The following MLLT3 variants were observed in gnomAD, a reference collection of about 807,000 sequenced individuals.
The protein encoded by MLLT3 is MLLT3 super elongation complex subunit.
A neutral mutation model predicts 53.2 loss-of-function variants in MLLT3; 4 were observed. The ratio of observed to expected loss-of-function variants is 0.08; its 90% CI spans 0.04 to 0.17. The LOEUF is 0.17. MLLT3 is among the 10% of genes least tolerant of loss of function. MLLT3 has a pLI of 1.00. For synonymous variants in MLLT3, 283 were observed against 230.6 expected (o/e 1.23, Z -2.06); for missense variants, 569 against 684.0 (o/e 0.83, Z 1.87).
In MLLT3 at chr9:20,549,453, T is replaced by C. The variant is rs184908158; in HGVS notation, c.193+71201A>G. The stretch of plus-strand genomic sequence containing the variant: ...TAGTAATAATAATAGCTAACACATA[T>C]ATGCCATTTACTCCGTGCCAGGAAC... On this transcript the variant is annotated intron_variant, in intron 2 of 10. Coordinates refer to ENST00000380338, the MANE Select transcript of MLLT3 (RefSeq NM_004529.4). Among the ~76,000 whole-genome samples the C allele has an allele frequency of 1.5e-3, 209 of 137,954 alleles. 2 individuals are homozygous for C. The highest frequency in any genetic ancestry group is 5.0e-3 in the African/African-American group (196 of 39,198). 90.5% of individuals were successfully genotyped at this position (137,954 alleles called of 152,430 possible).
intron 5 of MLLT3, among the ~76,000 whole-genome samples, chr9:20,384,630 A>G (rs191198731): frequency 2.0e-5 from 3 of 152,228 alleles, no homozygotes; most frequent in Admixed American, 6.5e-5. Flanking sequence ...GGATAATTAT[A>G]TTAGTATCAA....
At chr9:20,363,657 T>A in intron 6 of MLLT3, 52 bp from the exon 7 acceptor site, 1 of 1,578,268 alleles carries the variant, frequency 6.3e-7, no homozygotes, top group Non-Finnish European at 8.6e-7. Context: ...CAAACACACT[T>A]AGCCATATTA....
intron 8 of MLLT3, among the ~76,000 whole-genome samples, chr9:20,355,095 T>TA (rs531598773): frequency 0.026 from 1,646 of 64,112 alleles, 14 homozygotes; most frequent in East Asian, 0.075. Flanking sequence ...AAAGTAGAAC[T>TA]AAAAAAAAAA....
chr9:20,432,176 AAC>A (rs1332909437), intron 4 of MLLT3, among the ~76,000 whole-genome samples: 4 of 152,224 alleles, frequency 2.6e-5, no homozygotes, highest in African/African-American at 9.6e-5. Flanking sequence ...GCAAAACACA[AAC>A]ACAGTGTCTC....
chr9:20,584,759 T>C (rs1412672468), intron 2 of MLLT3, among the ~76,000 whole-genome samples: 2 of 152,206 alleles, frequency 1.3e-5, no homozygotes, highest in African/African-American at 4.8e-5. Flanking sequence ...CTCTGGGAGA[T>C]ACAATTCAAG....
At chr9:20,608,398 A>T (rs965342317) in intron 2 of MLLT3, among the ~76,000 whole-genome samples, 1 of 151,962 alleles carries the variant, frequency 6.6e-6, no homozygotes, top group Admixed American at 6.6e-5. Flanking sequence ...TTTTCAAAAC[A>T]TTCCTAAGTA....
intron 5 of MLLT3, among the ~76,000 whole-genome samples, chr9:20,369,003 G>A (rs997912562): frequency 1.3e-5 from 2 of 152,134 alleles, no homozygotes; most frequent in South Asian, 4.1e-4. Flanking sequence ...AGAATGACAG[G>A]AGGACTTGTT....
At chr9:20,527,427 T>C (rs939345690) in intron 2 of MLLT3, among the ~76,000 whole-genome samples, 3 of 152,190 alleles carry the variant, frequency 2.0e-5, no homozygotes, top group Admixed American at 1.3e-4. Context: ...CAGATGACAG[T>C]AGTCTATGGA....
chr9:20,605,746 G>T (rs796683732), intron 2 of MLLT3, among the ~76,000 whole-genome samples: 13 of 152,048 alleles, frequency 8.5e-5, no homozygotes, highest in African/African-American at 3.1e-4. Flanking sequence ...TATGCCATAG[G>T]TAAGAGATAC....
intron 5 of MLLT3, among the ~76,000 whole-genome samples, chr9:20,377,292 A>C (rs1014015468): frequency 1.3e-5 from 2 of 152,234 alleles, no homozygotes; most frequent in African/African-American, 2.4e-5. Context: ...TGTGCAGAGC[A>C]TAAGAAATTT....
intron 2 of MLLT3, among the ~76,000 whole-genome samples, chr9:20,579,646 A>G (rs142676508): frequency 4.0e-4 from 61 of 152,344 alleles, no homozygotes; most frequent in Admixed American, 7.8e-4. Flanking sequence ...TTAATTTCCT[A>G]TGAGAAAGTA....
intron 2 of MLLT3, among the ~76,000 whole-genome samples, chr9:20,492,302 T>C (rs2118924120): frequency 6.6e-6 from 1 of 152,146 alleles, no homozygotes; most frequent in East Asian, 1.9e-4. Context: ...AAGATCCTTT[T>C]TAACCTGTAA....
chr9:20,510,092 G>A (rs183482485), intron 2 of MLLT3, among the ~76,000 whole-genome samples: 1 of 152,094 alleles, frequency 6.6e-6, no homozygotes, highest in Admixed American at 6.6e-5. Flanking sequence ...AAATATTTCT[G>A]CTTGGCGAAA....
chr9:20,566,028 T>A (rs10811365), intron 2 of MLLT3, among the ~76,000 whole-genome samples: 1 of 127,452 alleles, frequency 7.8e-6, no homozygotes, highest in East Asian at 2.0e-4. Flanking sequence ...ATATATTTAT[T>A]TATATTTATT....
chr9:20,604,330 C>T (rs897887770), intron 2 of MLLT3, among the ~76,000 whole-genome samples: 6 of 152,104 alleles, frequency 3.9e-5, no homozygotes, highest in African/African-American at 9.6e-5. Flanking sequence ...CTAAAAATGA[C>T]ATTTAAATAT....
chr9:20,391,046 A>G (rs1416787224), intron 5 of MLLT3, among the ~76,000 whole-genome samples: 1 of 152,238 alleles, frequency 6.6e-6, no homozygotes, highest in Non-Finnish European at 1.5e-5. Flanking sequence ...TTAATTTTAT[A>G]TATTTCTACA....
chr9:20,427,157 T>C (rs1453352271), intron 4 of MLLT3, among the ~76,000 whole-genome samples: 1 of 151,992 alleles, frequency 6.6e-6, no homozygotes, highest in African/African-American at 2.4e-5. Context: ...CTTAAAGACT[T>C]ACTATAGGGA....
intron 2 of MLLT3, among the ~76,000 whole-genome samples, chr9:20,522,627 G>A (rs1818092138): frequency 6.6e-6 from 1 of 152,182 alleles, no homozygotes; most frequent in South Asian, 2.1e-4. Flanking sequence ...AATCTGTAGT[G>A]TAGTGTAAGA....
At chr9:20,549,613 C>A (rs1818877127) in intron 2 of MLLT3, among the ~76,000 whole-genome samples, 1 of 152,188 alleles carries the variant, frequency 6.6e-6, no homozygotes, top group Non-Finnish European at 1.5e-5. Context: ...ACACAGGCGA[C>A]TGGCGGAAGA....
Sources: allele counts gnomAD v4.1 joint callset (sites outside exome capture counted in the v4.1 genomes callset), GRCh38; gene constraint gnomAD v4.1.1; transcripts MANE v1.5; gene names NCBI Gene and HGNC (gene_info 2026-07-23, HGNC 2026-07-21).